Variants in CCNT1 observed in about 807,000 individuals in gnomAD.
The protein encoded by CCNT1 is cyclin-T1.
Under a neutral mutation model 67.3 loss-of-function variants are expected in CCNT1, and 18 were observed. The observed-to-expected ratio is 0.27, with a 90% CI of 0.18 to 0.40. CCNT1 has a LOEUF of 0.40. Among genes scored for constraint, CCNT1 ranks in the 10% least tolerant of loss-of-function variants. The pLI is 1.00. For synonymous variants in CCNT1, 333 were observed against 310.3 expected (o/e 1.07, Z -0.77); for missense variants, 744 against 884.9 (o/e 0.84, Z 2.02).
At chr12:48,698,275 T>C in intron 5 of CCNT1, 92 bp from the exon 6 acceptor site, 1 of 933,838 alleles carries the variant, frequency 1.1e-6, no homozygotes, top group Non-Finnish European at 1.6e-6. Flanking sequence ...CATTTAATAT[T>C]TGCAAGGTAC....
At chr12:48,698,956 CAA>C (rs34991080) in intron 5 of CCNT1, among the ~76,000 whole-genome samples, 7 of 100,944 alleles carry the variant, frequency 6.9e-5, no homozygotes, top group African/African-American at 1.8e-4. Context: ...AACTCCGTCT[CAA>C]AAAAAAAAAA....
At chr12:48,701,697 T>G (rs573161362) in intron 3 of CCNT1, among the ~76,000 whole-genome samples, 155 of 151,920 alleles carry the variant, frequency 1.0e-3, no homozygotes, top group African/African-American at 3.6e-3. Flanking sequence ...AACCTCTGCC[T>G]CCCGGTTCAA....
At position 48,704,309 on chromosome 12, in the gene CCNT1, T is replaced by C. The variant is rs374429275; in HGVS notation, c.372+1459A>G. Among the ~76,000 whole-genome samples, 30 of 152,352 alleles carry C rather than the reference T, an allele frequency of 2.0e-4. No homozygotes were observed. In the East Asian group the frequency reaches 4.4e-3, roughly 23 times the overall value. Reference sequence around the variant, plus strand: ...GTGAGTGAAGCTTCATCTGTATTTATAGCCTCTCCCCACCATACATATTGC... The same window carrying C: ...GTGAGTGAAGCTTCATCTGTATTTACAGCCTCTCCCCACCATACATATTGC... On this transcript the variant is annotated intron_variant, in intron 3 of 8. Transcript: ENST00000261900.
intron 2 of CCNT1, among the ~76,000 whole-genome samples, chr12:48,708,184 C>A (rs113641200): frequency 6.6e-6 from 1 of 151,742 alleles, no homozygotes; most frequent in Non-Finnish European, 1.5e-5. Flanking sequence ...GATCAGCCTG[C>A]GTAACACAAT....
Position 48,693,619 on chromosome 12 carries a change from T to G in CCNT1, c.1595A>C (p.Gln532Pro). Residue 532 changes from glutamine (Q) to proline (P), a missense_variant, in exon 9 of 9, where the codon CAA becomes CCA. Transcript: ENST00000261900. ...TTTGTTCCCAGTACCAACTGGAAGT[T>G]GGGAATGAGAGTGCTTGTGTGAGTG... is the stretch of plus-strand genomic sequence containing the variant. ...NHHSHKHSHS[Q>P]LPVGTGNKRP... 6.2e-7 allele frequency: 1 copy of G among 1,614,172 alleles called. No homozygotes were observed. Among genetic ancestry groups the G allele is most frequent in the Non-Finnish European group, 8.5e-7 (1 of 1,180,024 alleles).
chr12:48,713,632 T>A (rs80001179), intron 2 of CCNT1, among the ~76,000 whole-genome samples: 5,593 of 152,120 alleles, frequency 0.037, 161 homozygotes, highest in African/African-American at 0.075. Flanking sequence ...AAAAAAATTT[T>A]AAAAATTACC....
intron 5 of CCNT1, among the ~76,000 whole-genome samples, chr12:48,698,720 C>T (rs534669174): frequency 7.0e-4 from 107 of 152,142 alleles, no homozygotes; most frequent in African/African-American, 2.3e-3. Flanking sequence ...CACTTTGGGA[C>T]GCCGAGGTGG....
intron 8 of CCNT1, among the ~76,000 whole-genome samples, chr12:48,695,435 A>G (rs1394226075): frequency 6.6e-6 from 1 of 152,192 alleles, no homozygotes; most frequent in Non-Finnish European, 1.5e-5. Context: ...GTAATTCTCT[A>G]TCTTGCCTCT....
chr12:48,712,928 G>A (rs1252289726), intron 2 of CCNT1, among the ~76,000 whole-genome samples: 12 of 149,178 alleles, frequency 8.0e-5, no homozygotes, highest in East Asian at 2.0e-4. Context: ...CAACAAGAGC[G>A]AAACTCCATC....
At chr12:48,708,708 A>G (rs2137240569) in intron 2 of CCNT1, among the ~76,000 whole-genome samples, 2 of 152,334 alleles carry the variant, frequency 1.3e-5, no homozygotes, top group Admixed American at 1.3e-4. Context: ...AAATGTTAAC[A>G]GGATTATCTC....
intron 2 of CCNT1, among the ~76,000 whole-genome samples, chr12:48,706,851 AAATTC>A (rs1304242725): frequency 1.3e-5 from 2 of 152,192 alleles, no homozygotes; most frequent in Non-Finnish European, 2.9e-5. Context: ...TTTTCTCCAC[AAATTC>A]AACTCATAGT....
intron 8 of CCNT1, among the ~76,000 whole-genome samples, chr12:48,695,012 C>T (rs112788890): frequency 0.012 from 1,880 of 152,162 alleles, 45 homozygotes; most frequent in African/African-American, 0.044. Context: ...TTAGTAGAGA[C>T]GAGGTTTCAC....
chr12:48,696,642 T>C (rs1033521759), intron 6 of CCNT1, among the ~76,000 whole-genome samples: 2 of 152,212 alleles, frequency 1.3e-5, no homozygotes, highest in East Asian at 1.9e-4. Context: ...TCACCAATCA[T>C]AGTTCTGGTC....
chr12:48,701,071 A>AT lies in CCNT1; in HGVS notation c.374_375insA (p.Tyr126LeufsTer22). On this transcript the variant is annotated frameshift_variant and splice_region_variant, in exon 4 of 9. Coordinates refer to ENST00000261900, the MANE Select transcript of CCNT1 (RefSeq NM_001240.4). LOFTEE classifies it high-confidence loss of function. ...CCAGATCTTGAACTTGTTGCAAATAAGCCTAAAAGTGAGAAGACAGAAATT... is the reference window on the plus strand; with the variant it reads ...CCAGATCTTGAACTTGTTGCAAATAATGCCTAAAAGTGAGAAGACAGAAATT... The AT allele has an allele frequency of 6.3e-7, 1 of 1,584,094 alleles. No homozygotes were observed. The highest frequency in any genetic ancestry group is 8.6e-7 in the Non-Finnish European group (1 of 1,160,188).
chr12:48,714,458 T>G lies in CCNT1; in HGVS notation c.228A>C (p.Thr76=). The change falls in exon 2 of 9, where the codon ACA becomes ACC. Residue 76 remains threonine (T), a synonymous_variant. Coordinates refer to ENST00000261900, the MANE Select transcript of CCNT1 (RefSeq NM_001240.4). ...MHRFYMIQSF[T]QFPGNSVAPA... is the part of the protein sequence containing the mutation. ...TTATACTTACATTTCCAGGGAACTG[T>G]GTGAAGGACTGAATCATGTAGAATC... 1 of 1,597,390 alleles carries G rather than the reference T, an allele frequency of 6.3e-7. No homozygotes were observed. Among genetic ancestry groups the G allele is most frequent in the Non-Finnish European group, 8.6e-7 (1 of 1,164,936 alleles).
chr12:48,694,921 T>A (rs1592117966), intron 8 of CCNT1, among the ~76,000 whole-genome samples: 1 of 152,298 alleles, frequency 6.6e-6, no homozygotes, highest in East Asian at 1.9e-4. Flanking sequence ...CGTCCCGAGT[T>A]CAAGCGATTC....
intron 2 of CCNT1, 141 bp from the exon 3 acceptor site, chr12:48,706,037 C>G (rs963345337): frequency 7.5e-5 from 50 of 666,732 alleles, no homozygotes; most frequent in Non-Finnish European, 1.1e-4. Context: ...CCCGCCCCCC[C>G]GCTTCTACCA....
intron 2 of CCNT1, among the ~76,000 whole-genome samples, chr12:48,711,748 G>C (rs990932832): frequency 7.2e-5 from 11 of 152,260 alleles, no homozygotes; most frequent in African/African-American, 2.4e-4. Flanking sequence ...AGGTACAGGG[G>C]CTAAGGGCAG....
intron 1 of CCNT1, among the ~76,000 whole-genome samples, chr12:48,714,758 G>A (rs1360229955): frequency 6.6e-6 from 1 of 152,182 alleles, no homozygotes; most frequent in African/African-American, 2.4e-5. Context: ...TAAATGTACT[G>A]AATGAATAAA....
Sources: gnomAD v4.1 joint callset for allele counts (sites outside exome capture counted in the v4.1 genomes callset) on GRCh38, gnomAD v4.1.1 for gene constraint, MANE v1.5 for transcripts, NCBI Gene and HGNC (gene_info 2026-07-23, HGNC 2026-07-21) for gene names.